Variants in HDAC9 observed in about 807,000 individuals in gnomAD.
The protein encoded by HDAC9 is histone deacetylase 9, also known as MEF-2 interacting transcription repressor (MITR) protein.
HDAC9 carries 41 observed loss-of-function variants against 139.4 expected under a neutral mutation model. The ratio of observed to expected loss-of-function variants is 0.29; its 90% CI spans 0.23 to 0.38. The LOEUF (loss-of-function observed/expected upper bound fraction) is 0.38. Ranked by LOEUF, HDAC9 falls within the 10% of genes least tolerant of loss-of-function variation. The probability of loss-of-function intolerance (pLI) is 1.00; values close to 1 mark genes in which losing one functional copy is unlikely to be tolerated. For synonymous variants in HDAC9, 517 were observed against 476.2 expected (o/e 1.09, Z -1.12); for missense variants, 1,147 against 1,297.0 (o/e 0.88, Z 1.78).
intron 25 of HDAC9, among the ~76,000 whole-genome samples, chr7:18,992,559 A>G (rs945048213): frequency 6.6e-6 from 1 of 152,220 alleles, no homozygotes; most frequent in African/African-American, 2.4e-5. Flanking sequence ...ATTAAATTAA[A>G]TCAGTAAAAT....
intron 8 of HDAC9, among the ~76,000 whole-genome samples, chr7:18,634,948 A>T (rs1056374177): frequency 6.6e-6 from 1 of 152,090 alleles, no homozygotes; most frequent in African/African-American, 2.4e-5. Context: ...AAATGAACTG[A>T]TATTTATTAG....
intron 2 of HDAC9, among the ~76,000 whole-genome samples, chr7:18,558,615 G>A (rs1432387861): frequency 2.0e-5 from 3 of 152,056 alleles, no homozygotes; most frequent in Admixed American, 2.0e-4. Context: ...GGGTTTTGTA[G>A]GATACCACCA....
intron 14 of HDAC9, among the ~76,000 whole-genome samples, chr7:18,754,059 A>G (rs1378363761): frequency 6.6e-6 from 1 of 152,110 alleles, no homozygotes; most frequent in Non-Finnish European, 1.5e-5. Flanking sequence ...TCCTCATTAT[A>G]TTAGATTACA....
chr7:18,895,841 A>T (rs11765532), intron 22 of HDAC9, among the ~76,000 whole-genome samples: 51,221 of 151,966 alleles, frequency 0.34, 10,314 homozygotes, highest in South Asian at 0.52. Flanking sequence ...CTGTTTAGAG[A>T]CTTGAAATGC....
chr7:18,877,362 C>G (rs1179572072), intron 22 of HDAC9, among the ~76,000 whole-genome samples: 1 of 152,142 alleles, frequency 6.6e-6, no homozygotes, highest in Admixed American at 6.6e-5. Flanking sequence ...TGGACTTTCA[C>G]TGTCTTGTTC....
chr7:18,411,167 G>A (rs1246195161), intron 1 of HDAC9, among the ~76,000 whole-genome samples: 2 of 152,044 alleles, frequency 1.3e-5, no homozygotes, highest in Admixed American at 6.5e-5. Flanking sequence ...CTTACCTTAG[G>A]GAAAGCTGCA....
At chr7:18,283,999 A>G (rs1797273243) in intron 2 of HDAC9, among the ~76,000 whole-genome samples, 1 of 152,174 alleles carries the variant, frequency 6.6e-6, no homozygotes, top group Non-Finnish European at 1.5e-5. Flanking sequence ...AATGTGTTTA[A>G]GGTTAAACCC....
chr7:18,098,108 G>T (rs1349240940), intron 1 of HDAC9, among the ~76,000 whole-genome samples: 1 of 152,098 alleles, frequency 6.6e-6, no homozygotes, highest in Non-Finnish European at 1.5e-5. Context: ...TTACAACTCA[G>T]TCCTTACATA....
At chr7:18,455,856 C>G (rs1024490699) in intron 1 of HDAC9, among the ~76,000 whole-genome samples, 2 of 152,194 alleles carry the variant, frequency 1.3e-5, no homozygotes, top group African/African-American at 2.4e-5. Context: ...GTTTTCCTTG[C>G]TGTTTAAAAA....
intron 16 of HDAC9, among the ~76,000 whole-genome samples, chr7:18,768,916 T>G (rs1240934879): frequency 6.6e-6 from 1 of 152,216 alleles, no homozygotes; most frequent in East Asian, 1.9e-4. Context: ...ATGAGATGTT[T>G]AAACTTTATT....
At chr7:18,324,192 G>C (rs1371513608) in intron 1 of HDAC9, among the ~76,000 whole-genome samples, 1 of 152,028 alleles carries the variant, frequency 6.6e-6, no homozygotes, top group Non-Finnish European at 1.5e-5. Context: ...GCATTTTTCT[G>C]GACTTTGAAG....
At chr7:18,705,925 G>A (rs1269024414) in intron 12 of HDAC9, among the ~76,000 whole-genome samples, 3 of 144,592 alleles carry the variant, frequency 2.1e-5, no homozygotes, top group Non-Finnish European at 3.0e-5. Flanking sequence ...TGTTTCACAA[G>A]AACAAAACAA....
At chr7:18,131,492 G>A (rs771768813) in intron 1 of HDAC9, among the ~76,000 whole-genome samples, 11 of 152,176 alleles carry the variant, frequency 7.2e-5, no homozygotes, top group Non-Finnish European at 8.8e-5. Flanking sequence ...GAATTAAGAA[G>A]TATTAATAAT....
At chr7:18,703,194 AT>A (rs1480558702) in intron 12 of HDAC9, among the ~76,000 whole-genome samples, 5 of 152,152 alleles carry the variant, frequency 3.3e-5, no homozygotes, top group Non-Finnish European at 7.4e-5. Flanking sequence ...CACGATTCTT[AT>A]TTTTAATGTT....
intron 1 of HDAC9, among the ~76,000 whole-genome samples, chr7:18,378,971 C>G (rs1020723015): frequency 6.6e-6 from 1 of 151,906 alleles, no homozygotes; most frequent in Non-Finnish European, 1.5e-5. Context: ...AGATACCTGC[C>G]AAAATAAAAC....
In HDAC9 at chr7:18,591,778, G is replaced by A. The variant is rs1287024224; in HGVS notation, c.542+136G>A. The A allele has an allele frequency of 6.7e-6, 8 of 1,200,228 alleles. No individual in the cohort carries two copies. The East Asian group carries it at 1.7e-4, about 25-fold the overall frequency. The allele number at this position is 1,200,228 out of a possible 1,614,324, so 74.3% of individuals were successfully genotyped here. On this transcript the variant is annotated intron_variant, in intron 5 of 25. Transcript: ENST00000686413. ...GGGCAAGTTCCTTCAGTTCTCTAAGGATCAGTTTCCTTCTCCATAAAAAGA... is the reference window on the plus strand; with the variant it reads ...GGGCAAGTTCCTTCAGTTCTCTAAGAATCAGTTTCCTTCTCCATAAAAAGA...
upstream of HDAC9, among the ~76,000 whole-genome samples, chr7:18,492,788 G>A (rs111867291): frequency 8.3e-3 from 1,266 of 151,982 alleles, 19 homozygotes; most frequent in African/African-American, 0.029. Flanking sequence ...AGATGATGTG[G>A]GAAGAATTAA....
intron 1 of HDAC9, among the ~76,000 whole-genome samples, chr7:18,135,764 C>A (rs1381339515): frequency 7.0e-6 from 1 of 142,860 alleles, no homozygotes; most frequent in Admixed American, 7.0e-5. Flanking sequence ...AATAAACATA[C>A]GTGTGCATGT....
chr7:18,687,273 G>T (rs1782341512), intron 12 of HDAC9, among the ~76,000 whole-genome samples: 1 of 151,718 alleles, frequency 6.6e-6, no homozygotes. Flanking sequence ...TAGTACAACC[G>T]ATTTAAGTAG....
Sources: allele counts gnomAD v4.1 joint callset (sites outside exome capture counted in the v4.1 genomes callset), GRCh38; gene constraint gnomAD v4.1.1; transcripts MANE v1.5; gene names NCBI Gene and HGNC (gene_info 2026-07-23, HGNC 2026-07-21).